BICRAL: variants seen among roughly 807,000 people sequenced by gnomAD.
The protein encoded by BICRAL is BRD4-interacting chromatin-remodeling complex-associated protein-like.
In BICRAL, 8 loss-of-function variants were observed where a neutral mutation model predicts 91.8. The observed-to-expected ratio is 0.09, with a 90% confidence interval of 0.05 to 0.16. The LOEUF (loss-of-function observed/expected upper bound fraction) is 0.16. Among genes scored for constraint, BICRAL ranks in the 10% least tolerant of loss-of-function variants. The pLI, the probability that BICRAL is intolerant of heterozygous loss-of-function variation, is 1.00. For synonymous variants in BICRAL, 445 were observed against 491.1 expected (o/e 0.91, Z 1.24); for missense variants, 1,038 against 1,310.9 (o/e 0.79, Z 3.21).
At chr6:42,814,882 G>A (rs1350335458) in intron 2 of BICRAL, among the ~76,000 whole-genome samples, 5 of 151,694 alleles carry the variant, frequency 3.3e-5, no homozygotes, top group Admixed American at 6.6e-5. Context: ...TTCAGTTTGC[G>A]CAGTCTTTGA....
intron 9 of BICRAL, 98 bp from the exon 10 acceptor site, chr6:42,856,993 T>C: frequency 9.8e-7 from 1 of 1,020,168 alleles, no homozygotes; most frequent in East Asian, 2.5e-5. Flanking sequence ...TGCCGTATTA[T>C]TCCTATATAT....
upstream of BICRAL, among the ~76,000 whole-genome samples, chr6:42,746,646 T>A (rs879279547): frequency 6.6e-6 from 1 of 151,382 alleles, no homozygotes; most frequent in Non-Finnish European, 1.5e-5. Context: ...GCCTCCGGTT[T>A]TTTCTTTTCC....
intron 2 of BICRAL, among the ~76,000 whole-genome samples, chr6:42,820,152 C>T (rs868731316): frequency 7.9e-5 from 12 of 152,056 alleles, no homozygotes; most frequent in African/African-American, 2.9e-4. Flanking sequence ...TTGTTTAACC[C>T]TTAGGGCACC....
At chr6:42,781,951 G>A (rs1479896341), upstream of BICRAL, 1 of 146,548 alleles carries the variant, frequency 6.8e-6, no homozygotes, top group African/African-American at 2.5e-5. Context: ...GGGGGTGAGC[G>A]AGAGAGAGAG....
chr6:42,785,576 AG>A (rs1763081632), intron 1 of BICRAL, among the ~76,000 whole-genome samples: 1 of 151,650 alleles, frequency 6.6e-6, no homozygotes, highest in Non-Finnish European at 1.5e-5. Context: ...AAAAAAAAAA[AG>A]AATTGAATCC....
intron 1 of BICRAL, among the ~76,000 whole-genome samples, chr6:42,751,661 T>TC (rs1271097291): frequency 1.3e-5 from 2 of 148,280 alleles, no homozygotes; most frequent in Non-Finnish European, 3.0e-5. Flanking sequence ...TTTCTTTTTT[T>TC]TTTTTTTTTT....
Position 42,864,814 on chromosome 6 carries a change from A to G in BICRAL, c.2608A>G (p.Thr870Ala), listed in dbSNP as rs776088286. The G allele has an allele frequency of 2.5e-6, 4 of 1,614,200 alleles. No homozygotes were observed. In the South Asian group the frequency reaches 4.4e-5, roughly 18 times the overall value. Residue 870 changes from threonine to alanine, a missense_variant, in exon 13 of 13, where the codon ACG becomes GCG. Thr to Ala is a moderately conservative substitution (Grantham distance 58). Around this residue, in one of 5 missense-constraint regions of BICRAL, gnomAD observed 294 missense variants for 292.6 expected, o/e 1.00. Coordinates refer to ENST00000314073, the MANE Select transcript of BICRAL (RefSeq NM_001393499.1). Reference sequence around the variant, plus strand: ...CAGAGACCGAGCCAAAACCGGTGTGACGGAACCCATGAATCATGACCAGTT... The same window carrying G: ...CAGAGACCGAGCCAAAACCGGTGTGGCGGAACCCATGAATCATGACCAGTT... Reference protein sequence around the residue: ...QGRDRAKTGVTEPMNHDQFHL... With the variant: ...QGRDRAKTGVAEPMNHDQFHL...
intron 6 of BICRAL, among the ~76,000 whole-genome samples, chr6:42,843,598 T>C (rs1483505837): frequency 6.6e-6 from 1 of 152,098 alleles, no homozygotes; most frequent in East Asian, 1.9e-4. Flanking sequence ...ACTTACAGGT[T>C]TCTGACAGTG....
Position 42,865,779 on chromosome 6 carries a change from A to C in BICRAL, c.*333A>C. 4.6e-6 allele frequency: 1 copy of C among 219,486 alleles called. No individual in the cohort carries two copies. Among genetic ancestry groups the C allele is most frequent in the Non-Finnish European group, 9.0e-6 (1 of 110,728 alleles). The allele number at this position is 219,486 out of a possible 1,614,324, so 13.6% of individuals were successfully genotyped here. On this transcript the variant is annotated 3_prime_UTR_variant, in exon 13 of 13. Transcript: ENST00000314073. ...AAACACTGTAACTCAATGAGACCAC[A>C]GTATACTTGGCCCTTGGTAAAATTT...
intron 2 of BICRAL, chr6:42,821,059 A>C (rs1764123951): frequency 6.6e-6 from 1 of 152,254 alleles, no homozygotes; most frequent in South Asian, 2.1e-4. Context: ...TCTTCTGGGC[A>C]TCTTTTCAGG....
At chr6:42,830,423 G>T (rs1425168391) in intron 6 of BICRAL, among the ~76,000 whole-genome samples, 9 of 152,032 alleles carry the variant, frequency 5.9e-5, no homozygotes, top group Non-Finnish European at 1.3e-4. Context: ...AAAATTAGCT[G>T]AGTGTGGTGG....
chr6:42,789,639 C>CA (rs11334649), intron 1 of BICRAL, among the ~76,000 whole-genome samples: 7,620 of 109,908 alleles, frequency 0.069, 321 homozygotes, highest in African/African-American at 0.13. Flanking sequence ...TAGACTGTCT[C>CA]AAAAAAAAAA....
chr6:42,774,534 T>C (rs1460744241), intron 1 of BICRAL, among the ~76,000 whole-genome samples: 2 of 152,176 alleles, frequency 1.3e-5, no homozygotes, highest in Non-Finnish European at 2.9e-5. Context: ...AACATCCTCC[T>C]GATTGTCTTA....
intron 1 of BICRAL, among the ~76,000 whole-genome samples, chr6:42,801,656 C>A (rs962289573): frequency 6.6e-6 from 1 of 151,876 alleles, no homozygotes; most frequent in East Asian, 1.9e-4. Context: ...CAGAGGCAGG[C>A]GGATTACTTG....
intron 6 of BICRAL, among the ~76,000 whole-genome samples, chr6:42,843,259 G>A (rs894678853): frequency 2.0e-5 from 3 of 152,112 alleles, no homozygotes; most frequent in Non-Finnish European, 4.4e-5. Context: ...TGAGGTGGTG[G>A]TCTCTGAGAG....
intron 5 of BICRAL, among the ~76,000 whole-genome samples, chr6:42,826,390 G>A (rs907566121): frequency 4.6e-5 from 7 of 151,582 alleles, no homozygotes; most frequent in Non-Finnish European, 7.4e-5. Flanking sequence ...GTGTGTCACC[G>A]TGCCCGGCTA....
chr6:42,831,846 C>G (rs1484275718), intron 6 of BICRAL, among the ~76,000 whole-genome samples: 3 of 151,888 alleles, frequency 2.0e-5, no homozygotes, highest in Non-Finnish European at 2.9e-5. Context: ...TCAAGTGATC[C>G]TTCCACCTCA....
chr6:42,766,597 T>C (rs896690678), intron 1 of BICRAL, among the ~76,000 whole-genome samples: 3 of 152,002 alleles, frequency 2.0e-5, no homozygotes, highest in African/African-American at 7.3e-5. Flanking sequence ...AATAGCACTT[T>C]GGGAGGCCGA....
chr6:42,796,697 G>GT (rs955145503), intron 1 of BICRAL, among the ~76,000 whole-genome samples: 11 of 152,022 alleles, frequency 7.2e-5, no homozygotes, highest in Non-Finnish European at 1.0e-4. Flanking sequence ...GATTCTGGAT[G>GT]TTTTTTTGAA....
Sources: gnomAD v4.1 joint callset for allele counts (sites outside exome capture counted in the v4.1 genomes callset) on GRCh38, gnomAD v4.1.1 for gene constraint, gnomAD v4.1.1 regional missense constraint, MANE v1.5 for transcripts, NCBI Gene and HGNC (gene_info 2026-07-23, HGNC 2026-07-21) for gene names.